TINF2: variants seen among roughly 807,000 people sequenced by gnomAD.
TINF2 encodes TERF1 interacting nuclear factor 2.
A neutral mutation model predicts 50.4 loss-of-function variants in TINF2; 27 were observed. The observed-to-expected ratio is 0.54, with a 90% CI of 0.40 to 0.74. TINF2 has a LOEUF of 0.74. Among genes scored for constraint, TINF2 ranks in the 30% least tolerant of loss-of-function variants. TINF2 has a pLI of 0.00. For missense variants in TINF2, 496 were observed against 551.5 expected, an observed-to-expected ratio of 0.90 and a Z score of 1.01; for synonymous variants, 223 against 214.6, an observed-to-expected ratio of 1.04 and a Z score of -0.34.
rs749849244 is a variant in TINF2, at chr14:24,241,208, T to C, written c.503A>G (p.Gln168Arg). Residue 168 changes from glutamine (Q) to arginine (R), a missense_variant, in exon 4 of 9, where the codon CAG (glutamine) becomes CGG (arginine). By Grantham distance (43) the Gln-to-Arg change is conservative. This residue lies in a region of TINF2 where 314 missense variants were observed against 343.8 expected (regional missense o/e 0.91). Transcript: ENST00000267415. ...CATGTTTTGCCCCAGCGAAACCTGC[T>C]GTGCCTGCGGTGTAGGCAGTGCTTT... ...LEKALPTPQAQQLQDVLSWMQ... is the reference protein window; with the variant it reads ...LEKALPTPQARQLQDVLSWMQ... 1 of 1,614,070 alleles carries C rather than the reference T, an allele frequency of 6.2e-7. No individual in the cohort carries two copies. The highest frequency in any genetic ancestry group is 1.3e-5 in the African/African-American group (1 of 74,934).
intron 6 of TINF2, 23 bp downstream of exon 6, chr14:24,240,396 A>G: frequency 6.2e-7 from 1 of 1,614,144 alleles, no homozygotes; most frequent in Non-Finnish European, 8.5e-7. Flanking sequence ...GCTCCTAGTA[A>G]GAAGCAACTC....
Position 24,241,893 on chromosome 14 carries a change from C to A in TINF2, c.294G>T (p.Lys98Asn), listed in dbSNP as rs1594555123. The A allele has an allele frequency of 1.9e-6, 3 of 1,614,232 alleles. No individual in the cohort carries two copies. Among genetic ancestry groups the A allele is most frequent in the East Asian group, 4.5e-5 (2 of 44,888 alleles). ...GCTTGTTCCGGGGATTACTCACAGC[C>A]TTGGGATCCCGCACTATAGGTCCAG... ...PESGPIVRDP[K>N]ATKQDLRKIL... The change falls in exon 2 of 9, where the codon AAG (lysine) becomes AAT (asparagine). Residue 98 changes from lysine (K) to asparagine (N), a missense_variant. Physicochemically the swap from Lys to Asn is moderately conservative, Grantham distance 94. Transcript: ENST00000267415.
At chr14:24,240,191 T>A (rs756515249) in intron 7 of TINF2, 36 bp from the exon 8 acceptor site, 2 of 1,614,044 alleles carry the variant, frequency 1.2e-6, no homozygotes, top group Middle Eastern at 3.3e-4. Flanking sequence ...CTACTACTTC[T>A]AGATGAACAC....
At chr14:24,241,342 G>A (rs1270732635) in intron 3 of TINF2, 31 bp from the exon 4 acceptor site, 1 of 1,610,468 alleles carries the variant, frequency 6.2e-7, no homozygotes, top group Non-Finnish European at 8.5e-7. Context: ...TCAAAAGTGG[G>A]TTAGTGGCCA....
chr14:24,240,952 T>C (rs897532457), intron 5 of TINF2, 68 bp downstream of exon 5: 4 of 1,613,836 alleles, frequency 2.5e-6, no homozygotes, highest in Non-Finnish European at 1.7e-6. Context: ...CCGGAGCCCA[T>C]GGAACTATTC....
rs764829839 is a variant in TINF2, at chr14:24,241,207, C to T, written c.504G>A (p.Gln168=). Reference sequence around the variant, plus strand: ...ACATGTTTTGCCCCAGCGAAACCTGCTGTGCCTGCGGTGTAGGCAGTGCTT... The same window carrying T: ...ACATGTTTTGCCCCAGCGAAACCTGTTGTGCCTGCGGTGTAGGCAGTGCTT... The part of the protein sequence containing the change: ...LEKALPTPQA[Q]QLQDVLSWMQ... The change falls in exon 4 of 9, where the codon CAG becomes CAA. Residue 168 remains glutamine (Q), a synonymous_variant. Coordinates refer to ENST00000267415, the MANE Select transcript of TINF2 (RefSeq NM_001099274.3). 1.5e-5 allele frequency: 24 copies of T among 1,614,076 alleles called. No homozygotes were observed. Among genetic ancestry groups the T allele is most frequent in the Non-Finnish European group, 1.9e-5 (23 of 1,180,032 alleles).
At position 24,241,737 on chromosome 14, in the gene TINF2, T is replaced by C; in HGVS notation, c.337A>G (p.Thr113Ala). Residue 113 changes from threonine to alanine, a missense_variant, in exon 3 of 9, where the codon ACT becomes GCT. By Grantham distance (58) the Thr-to-Ala change is moderately conservative. Transcript: ENST00000267415. ...DLRKILEAQE[T>A]FYQQVKQLSE... is the part of the protein sequence containing the mutation. The stretch of plus-strand genomic sequence containing the variant: ...AGCTGCTTCACCTGCTGGTAAAAAG[T>C]TTCCTGTGCCTCCAAAATCTTCCTC... 1 of 1,613,612 alleles carries C rather than the reference T, an allele frequency of 6.2e-7. No individual in the cohort carries two copies. The highest frequency in any genetic ancestry group is 1.3e-5 in the African/African-American group (1 of 75,020).
At chr14:24,239,958 T>C (rs764987422) in intron 8 of TINF2, 27 bp from the exon 9 acceptor site, 1 of 1,614,206 alleles carries the variant, frequency 6.2e-7, no homozygotes, top group South Asian at 1.1e-5. Context: ...AGGGAGAGCC[T>C]ACTATCCGAA....
At position 24,242,322 on chromosome 14, in the gene TINF2, G is replaced by A. The variant is rs1305782124; in HGVS notation, c.11C>T (p.Pro4Leu). MAT[P>L]LVAGPAALRF... ...TAGAGCTGCGGGACCCGCCACCAGG[G>A]GCGTAGCCATGGTCGGCGGGCTCCG... The change falls in exon 1 of 9, where the codon CCC (proline) becomes CTC (leucine). Residue 4 changes from proline (P) to leucine (L), a missense_variant. This residue lies in a region of TINF2 where 314 missense variants were observed against 343.8 expected (regional missense o/e 0.91). Coordinates refer to ENST00000267415, the MANE Select transcript of TINF2 (RefSeq NM_001099274.3). The A allele has an allele frequency of 1.2e-6, 2 of 1,612,444 alleles. No homozygotes were observed. Among genetic ancestry groups the A allele is most frequent in the South Asian group, 1.1e-5 (1 of 91,024 alleles).
In TINF2 at chr14:24,239,680, A is replaced by C. The variant is rs1253468584; in HGVS notation, c.*117T>G. On this transcript the variant is annotated 3_prime_UTR_variant, in exon 9 of 9. Transcript: ENST00000267415. Reference sequence around the variant, plus strand: ...CAAAGTTTAATTATTAAGGATTACAAATATTTTTAGCAGTGTAGTTAGGCA... The same window carrying C: ...CAAAGTTTAATTATTAAGGATTACACATATTTTTAGCAGTGTAGTTAGGCA... The C allele has an allele frequency of 6.2e-7, 1 of 1,600,148 alleles. No homozygotes were observed. The highest frequency in any genetic ancestry group is 2.2e-5 in the East Asian group (1 of 44,670).
At position 24,241,357 on chromosome 14, in the gene TINF2, C is replaced by T. The variant is rs764843625; in HGVS notation, c.400-46G>A. ...TCAAAAGTGGGTTAGTGGCCAGGCA[C>T]GGTGGCTCACGCCTGTAATCCTGGC... On this transcript the variant is annotated intron_variant, in intron 3 of 8. Transcript: ENST00000267415. 6.3e-6 allele frequency: 10 copies of T among 1,586,020 alleles called. No homozygotes were observed. In the South Asian group the frequency reaches 6.6e-5, roughly 11 times the overall value.
chr14:24,241,863 T>C, intron 2 of TINF2, 27 bp downstream of exon 2: 1 of 1,613,936 alleles, frequency 6.2e-7, no homozygotes, highest in Non-Finnish European at 8.5e-7. Flanking sequence ...GTAACTGGGG[T>C]CAGGGCTTGT....
intron 3 of TINF2, 42 bp from the exon 4 acceptor site, chr14:24,241,353 G>T (rs761545339): frequency 6.3e-7 from 1 of 1,597,412 alleles, no homozygotes; most frequent in African/African-American, 1.3e-5. Context: ...TTAGTGGCCA[G>T]GCACGGTGGC....
chr14:24,242,494 C>CA lies in TINF2; in HGVS notation c.-163_-162insT. On this transcript the variant is annotated 5_prime_UTR_variant, in exon 1 of 9. Coordinates refer to ENST00000267415, the MANE Select transcript of TINF2 (RefSeq NM_001099274.3). ...CTGACTCGGCTCCCTTCCATCGGCC[C>CA]CCAGAATTCTGGGGGAGGGGGTCTT... 7.0e-7 allele frequency: 1 copy of CA among 1,433,856 alleles called. No homozygotes were observed. Among genetic ancestry groups the CA allele is most frequent in the Admixed American group, 2.9e-5 (1 of 34,836 alleles). The allele number at this position is 1,433,856 out of a possible 1,614,324, so 88.8% of individuals were successfully genotyped here.
rs369712095 is a variant in TINF2 at position 24,241,703 on chromosome 14, G to A, written c.371C>T (p.Ala124Val). ...CAGCTTCGAGGCCAAATCCACAGGA[G>A]CCTCTGACAGCTGCTTCACCTGCTG... Reference protein sequence around the residue: ...FYQQVKQLSEAPVDLASKLQE... With the variant: ...FYQQVKQLSEVPVDLASKLQE... The change falls in exon 3 of 9, where the codon GCT becomes GTT. Residue 124 changes from alanine to valine, a missense_variant. Physicochemically the swap from Ala to Val is moderately conservative, Grantham distance 64 (BLOSUM62 0). Coordinates refer to ENST00000267415, the MANE Select transcript of TINF2 (RefSeq NM_001099274.3). 90 of 1,612,616 alleles carry A rather than the reference G, an allele frequency of 5.6e-5. No homozygotes were observed. The highest frequency in any genetic ancestry group is 1.9e-4 in the African/African-American group (14 of 74,860).
chr14:24,241,160 A>G (rs2040571301), intron 4 of TINF2, 44 bp from the exon 5 acceptor site: 7 of 1,614,148 alleles, frequency 4.3e-6, no homozygotes, highest in Non-Finnish European at 5.9e-6. Context: ...TCCTTGAAAC[A>G]GCCACCCCAC....
chr14:24,242,204 A>G lies in TINF2; in HGVS notation c.129T>C (p.Ala43=), dbSNP rs1488023738. The G allele has an allele frequency of 1.9e-6, 3 of 1,614,244 alleles. No homozygotes were observed. The highest frequency in any genetic ancestry group is 3.3e-4 in the Middle Eastern group (2 of 6,062). Reference sequence around the variant, plus strand: ...GGTAGCGAACCAAGCCAGGGGCAACAGCGCGCAGAGATCGCAGAAACTCCA... The same window carrying G: ...GGTAGCGAACCAAGCCAGGGGCAACGGCGCGCAGAGATCGCAGAAACTCCA... ...RVLEFLRSLR[A]VAPGLVRYRH... The change falls in exon 1 of 9, where the codon GCT becomes GCC. Residue 43 remains alanine, a synonymous_variant. Coordinates refer to ENST00000267415, the MANE Select transcript of TINF2 (RefSeq NM_001099274.3).
chr14:24,241,742 TG>T lies in TINF2; in HGVS notation c.331del (p.Gln111ArgfsTer8). 1 of 1,613,732 alleles carries T rather than the reference TG, an allele frequency of 6.2e-7. No homozygotes were observed. On this transcript the variant is annotated frameshift_variant, in exon 3 of 9. Coordinates refer to ENST00000267415, the MANE Select transcript of TINF2 (RefSeq NM_001099274.3). LOFTEE classifies it high-confidence loss of function. ...CTTCACCTGCTGGTAAAAAGTTTCC[TG>T]TGCCTCCAAAATCTTCCTCAGATCC... ...KQDLRKILEA[Q>X]ETFYQQVKQL...
chr14:24,242,292 A>C lies in TINF2; in HGVS notation c.41T>G (p.Phe14Cys). ...PLVAGPAALR[F>C]AAAASWQVVR... ...AACCTGCCAGCTAGCCGCGGCGGCG[A>C]AGCGTAGAGCTGCGGGACCCGCCAC... Residue 14 changes from phenylalanine (F) to cysteine (C), a missense_variant, in exon 1 of 9, where the codon TTC (phenylalanine) becomes TGC (cysteine). By Grantham distance (205) the Phe-to-Cys change is radical. This residue lies in a region of TINF2 where 314 missense variants were observed against 343.8 expected (regional missense o/e 0.91). Transcript: ENST00000267415. The C allele has an allele frequency of 1.9e-6, 3 of 1,613,674 alleles. No homozygotes were observed. The highest frequency in any genetic ancestry group is 2.5e-6 in the Non-Finnish European group (3 of 1,179,976).
Sources: allele counts gnomAD v4.1 joint callset, GRCh38; gene constraint gnomAD v4.1.1; regional missense constraint gnomAD v4.1.1; transcripts MANE v1.5; gene names NCBI Gene and HGNC (gene_info 2026-07-23, HGNC 2026-07-21).